Variants in LEKR1 observed in about 807,000 individuals in gnomAD.
LEKR1 encodes the protein leucine, glutamate and lysine rich 1, also known as protein LEKR1.
A neutral mutation model predicts 72.4 loss-of-function variants in LEKR1; 59 were observed. That is an observed-to-expected ratio of 0.82 (90% CI 0.66 to 1.01). The LOEUF is 1.01. Among genes scored for constraint, LEKR1 ranks in the 50% least tolerant of loss-of-function variants. The pLI, the probability that LEKR1 is intolerant of heterozygous loss-of-function variation, is 0.00. For missense variants in LEKR1, 728 were observed against 759.2 expected (o/e 0.96, Z 0.48); for synonymous variants, 257 against 263.2 (o/e 0.98, Z 0.23).
chr3:156,874,080 A>C (rs976829805), intron 3 of LEKR1, among the ~76,000 whole-genome samples: 55 of 152,160 alleles, frequency 3.6e-4, no homozygotes, highest in African/African-American at 1.3e-3. Context: ...TATTTTGTTA[A>C]ATAGGTTTTC....
intron 7 of LEKR1, 129 bp from the exon 8 acceptor site, chr3:156,992,524 A>G: frequency 5.2e-6 from 1 of 192,948 alleles, no homozygotes; most frequent in Non-Finnish European, 1.1e-5. Context: ...CTGAATGTTT[A>G]TTTCTTTAAA....
At chr3:157,018,430 A>G (rs1429036176) in intron 10 of LEKR1, among the ~76,000 whole-genome samples, 1 of 152,238 alleles carries the variant, frequency 6.6e-6, no homozygotes, top group East Asian at 1.9e-4. Flanking sequence ...TTGGCTTATA[A>G]ATAAGTCTCA....
intron 9 of LEKR1, among the ~76,000 whole-genome samples, chr3:157,007,805 T>C (rs902962258): frequency 2.0e-5 from 3 of 152,214 alleles, no homozygotes; most frequent in Admixed American, 6.5e-5. Context: ...AAATAAACTT[T>C]GATATTGTAA....
At chr3:157,007,962 A>G (rs1732593925) in intron 9 of LEKR1, among the ~76,000 whole-genome samples, 2 of 152,236 alleles carry the variant, frequency 1.3e-5, no homozygotes, top group Admixed American at 1.3e-4. Flanking sequence ...GCTAGATCGC[A>G]TTAGAGGAAG....
At chr3:156,973,591 C>T (rs1260849113) in intron 6 of LEKR1, among the ~76,000 whole-genome samples, 2 of 151,860 alleles carry the variant, frequency 1.3e-5, no homozygotes, top group Admixed American at 6.6e-5. Flanking sequence ...TATTTGAATT[C>T]GATAAGAACA....
intron 7 of LEKR1, among the ~76,000 whole-genome samples, chr3:156,983,820 A>G (rs1388423808): frequency 6.6e-6 from 1 of 152,092 alleles, no homozygotes; most frequent in Non-Finnish European, 1.5e-5. Context: ...ACCTCTAAAA[A>G]CAATCAGGGC....
At chr3:156,919,505 G>A (rs1723990115) in intron 3 of LEKR1, among the ~76,000 whole-genome samples, 1 of 152,158 alleles carries the variant, frequency 6.6e-6, no homozygotes, top group African/African-American at 2.4e-5. Context: ...CATGTGTGAA[G>A]AAGCACCTTC....
intron 3 of LEKR1, among the ~76,000 whole-genome samples, chr3:156,876,192 G>A (rs2058629761): frequency 6.6e-6 from 1 of 152,042 alleles, no homozygotes; most frequent in Non-Finnish European, 1.5e-5. Flanking sequence ...TGGTCTACAT[G>A]CCTGTTTTTA....
intron 3 of LEKR1, among the ~76,000 whole-genome samples, chr3:156,864,565 T>A (rs573046598): frequency 6.6e-6 from 1 of 152,208 alleles, no homozygotes; most frequent in East Asian, 1.9e-4. Flanking sequence ...ATAAATTACC[T>A]GGACTTACTG....
intron 3 of LEKR1, among the ~76,000 whole-genome samples, chr3:156,884,827 C>G (rs777235863): frequency 1.3e-5 from 2 of 152,158 alleles, no homozygotes; most frequent in Non-Finnish European, 2.9e-5. Context: ...GTCTAGATCT[C>G]TAGCAAGGCT....
intron 6 of LEKR1, among the ~76,000 whole-genome samples, chr3:156,968,221 C>A (rs1183991390): frequency 1.3e-5 from 2 of 152,104 alleles, no homozygotes; most frequent in Admixed American, 1.3e-4. Flanking sequence ...CATCAACTAA[C>A]GAGCAAAATA....
At chr3:157,027,099 T>A (rs1050634608) in intron 11 of LEKR1, among the ~76,000 whole-genome samples, 1 of 152,188 alleles carries the variant, frequency 6.6e-6, no homozygotes, top group East Asian at 1.9e-4. Flanking sequence ...ATTAGTCATA[T>A]TTCAGGTGCT....
At position 157,043,504 on chromosome 3, in the gene LEKR1, C is replaced by T. The variant is rs77052581; in HGVS notation, c.1669-1836C>T. Among the ~76,000 whole-genome samples, 101 of 151,004 alleles carry T rather than the reference C, an allele frequency of 6.7e-4. 1 individual carries two copies. Among genetic ancestry groups the T allele is most frequent in the Middle Eastern group, 3.4e-3 (1 of 292 alleles). ...AACAAAATGGTCCCTGCATGTTTGACGTAATGAATTAGACAACTAATTTAG... is the reference window on the plus strand; with the variant it reads ...AACAAAATGGTCCCTGCATGTTTGATGTAATGAATTAGACAACTAATTTAG... On this transcript the variant is annotated intron_variant, in intron 12 of 12. Transcript: ENST00000356539.
chr3:156,931,585 A>C (rs1426450903), intron 5 of LEKR1, among the ~76,000 whole-genome samples: 1 of 152,198 alleles, frequency 6.6e-6, no homozygotes, highest in Non-Finnish European at 1.5e-5. Flanking sequence ...AAAATATCCT[A>C]AAACTGCAAA....
intron 9 of LEKR1, among the ~76,000 whole-genome samples, chr3:156,995,106 G>C (rs1412369115): frequency 6.6e-6 from 1 of 152,108 alleles, no homozygotes; most frequent in African/African-American, 2.4e-5. Flanking sequence ...AATACTATTG[G>C]GGATCAAAAA....
At chr3:156,924,698 T>TA in intron 4 of LEKR1, 1 of 417,926 alleles carries the variant, frequency 2.4e-6, no homozygotes, top group Non-Finnish European at 4.2e-6. Flanking sequence ...TGCTGTTTGT[T>TA]AGAGGCCAAT....
In LEKR1 at chr3:156,875,735, C is replaced by T. The variant is rs149105128; in HGVS notation, c.263+22753C>T. Reference sequence around the variant, plus strand: ...AATGAGCCGGGCGTGGTGGCTCACGCCTGTAATCCCAGCACTTTGGGAGGC... The same window carrying T: ...AATGAGCCGGGCGTGGTGGCTCACGTCTGTAATCCCAGCACTTTGGGAGGC... On this transcript the variant is annotated intron_variant, in intron 3 of 12. Transcript: ENST00000356539. Among the ~76,000 whole-genome samples the T allele has an allele frequency of 6.3e-3, 953 of 152,144 alleles. 11 individuals carry two copies. Among genetic ancestry groups the T allele is most frequent in the African/African-American group, 0.022 (913 of 41,492 alleles).
intron 3 of LEKR1, among the ~76,000 whole-genome samples, chr3:156,873,693 A>T (rs2108547851): frequency 6.6e-6 from 1 of 152,036 alleles, no homozygotes; most frequent in South Asian, 2.1e-4. Context: ...GTGGTGATGA[A>T]TTCCCTCAGC....
chr3:156,840,502 T>C (rs1444512885), intron 2 of LEKR1, among the ~76,000 whole-genome samples: 1 of 152,214 alleles, frequency 6.6e-6, no homozygotes, highest in Non-Finnish European at 1.5e-5. Flanking sequence ...TCAAACTTTA[T>C]CATCAATCTT....
Sources: gnomAD v4.1 joint callset for allele counts (sites outside exome capture counted in the v4.1 genomes callset) on GRCh38, gnomAD v4.1.1 for gene constraint, MANE v1.5 for transcripts, NCBI Gene and HGNC (gene_info 2026-07-23, HGNC 2026-07-21) for gene names.